The following EEIG1 variants were observed in gnomAD, a reference collection of about 807,000 sequenced individuals.
EEIG1 encodes the protein estrogen-induced osteoclastogenesis regulator 1, also known as early estrogen-induced gene 1 protein.
chr9:127,950,826 C>T, the EEIG1 span: 6 of 582,722 alleles, frequency 1.0e-5, no homozygotes, highest in Non-Finnish European at 1.5e-5. Context: ...CATGAAAGGA[C>T]ATTGTTGTCC....
chr9:127,963,319 G>T, the EEIG1 span, among the ~76,000 whole-genome samples: 1,284 of 152,360 alleles, frequency 8.4e-3, 24 homozygotes, highest in African/African-American at 0.029. Context: ...CAGTACATGG[G>T]ACCTGCTGGC....
chr9:127,944,990 C>T, the EEIG1 span: 16 of 1,463,720 alleles, frequency 1.1e-5, no homozygotes, highest in East Asian at 1.1e-4. Context: ...TCAGCCGCAG[C>T]GGCGCTCAGA....
the EEIG1 span, chr9:127,943,497 A>T: frequency 1.9e-6 from 1 of 526,780 alleles, no homozygotes; most frequent in Non-Finnish European, 3.4e-6. Flanking sequence ...TCACCTCGGC[A>T]GGGAGTCACT....
chr9:127,958,806 T>C, the EEIG1 span, among the ~76,000 whole-genome samples: 2 of 152,038 alleles, frequency 1.3e-5, no homozygotes, highest in Non-Finnish European at 2.9e-5. Flanking sequence ...ATCCAGAATA[T>C]ATAAAGAGCA....
At chr9:127,946,027 C>G in the EEIG1 span, among the ~76,000 whole-genome samples, 2 of 152,242 alleles carry the variant, frequency 1.3e-5, no homozygotes, top group Non-Finnish European at 2.9e-5. Flanking sequence ...CCACTACCCA[C>G]AACCGCAGTG....
At chr9:127,945,130 C>G in the EEIG1 span, among the ~76,000 whole-genome samples, 1 of 152,122 alleles carries the variant, frequency 6.6e-6, no homozygotes, top group African/African-American at 2.4e-5. The surrounding 1 kb of genome is among the most constrained non-coding windows in gnomAD (Gnocchi z 6.5). Context: ...TTCCTAAGGC[C>G]ACCTAGCAGA....
the EEIG1 span, among the ~76,000 whole-genome samples, chr9:127,955,496 G>A: frequency 2.0e-5 from 3 of 152,248 alleles, no homozygotes; most frequent in African/African-American, 7.2e-5. Flanking sequence ...GGGGCCTGTA[G>A]TACCCTGCTC....
chr9:127,977,453 C>T, the EEIG1 span, among the ~76,000 whole-genome samples: 1 of 152,238 alleles, frequency 6.6e-6, no homozygotes, highest in African/African-American at 2.4e-5. Context: ...GGCAAGTCCT[C>T]AGCCTGGGGC....
chr9:127,962,905 C>T, the EEIG1 span, among the ~76,000 whole-genome samples: 1 of 152,136 alleles, frequency 6.6e-6, no homozygotes, highest in Admixed American at 6.5e-5. Context: ...ACCCTCCTTA[C>T]TGCCCACCAC....
chr9:127,966,388 G>A, the EEIG1 span, among the ~76,000 whole-genome samples: 1 of 151,428 alleles, frequency 6.6e-6, no homozygotes, highest in Admixed American at 6.6e-5. Flanking sequence ...CTGGAGGACT[G>A]CTTGAGCCCG....
At chr9:127,953,305 G>T in the EEIG1 span, 1 of 513,410 alleles carries the variant, frequency 1.9e-6, no homozygotes, top group East Asian at 3.2e-5. Flanking sequence ...CAATAATGGG[G>T]TCCCAGAAAG....
chr9:127,943,354 G>A, the EEIG1 span: 1 of 977,462 alleles, frequency 1.0e-6, no homozygotes, highest in Admixed American at 1.8e-5. Flanking sequence ...GCCCTGTGTT[G>A]CAAAGGGGCT....
At chr9:127,950,528 A>G in the EEIG1 span, 14 of 1,613,816 alleles carry the variant, frequency 8.7e-6, no homozygotes, top group Non-Finnish European at 1.2e-5. Flanking sequence ...GGTTCAAGTC[A>G]GCGAAGCCCA....
At chr9:127,945,783 G>A in the EEIG1 span, 2 of 1,430,636 alleles carry the variant, frequency 1.4e-6, no homozygotes, top group Non-Finnish European at 1.9e-6. The surrounding 1 kb of genome is among the most constrained non-coding windows in gnomAD (Gnocchi z 6.5). Flanking sequence ...AGGGGGTGAG[G>A]TGACAGGGGT....
At chr9:127,972,990 C>T in the EEIG1 span, among the ~76,000 whole-genome samples, 1 of 152,114 alleles carries the variant, frequency 6.6e-6, no homozygotes, top group Non-Finnish European at 1.5e-5. The surrounding 1 kb of genome is among the most constrained non-coding windows in gnomAD (Gnocchi z 4.3). Flanking sequence ...ATCCAAAGCA[C>T]TTGCCAGGGA....
the EEIG1 span, chr9:127,945,390 C>A: frequency 3.8e-6 from 6 of 1,587,348 alleles, no homozygotes; most frequent in East Asian, 1.4e-4. The surrounding 1 kb of genome is among the most constrained non-coding windows in gnomAD (Gnocchi z 6.5). Flanking sequence ...CGGACAGATG[C>A]AGGGGCCGGG....
the EEIG1 span, among the ~76,000 whole-genome samples, chr9:127,960,278 G>A: frequency 1.3e-5 from 2 of 152,200 alleles, no homozygotes; most frequent in Admixed American, 1.3e-4. Context: ...CACTTGGCAG[G>A]TAGAAAACTA....
At chr9:127,980,319 C>A in the EEIG1 span, 2 of 571,938 alleles carry the variant, frequency 3.5e-6, no homozygotes, top group Non-Finnish European at 3.0e-6. Context: ...GTCCAGTTCG[C>A]GGGCCGGCGG....
the EEIG1 span, among the ~76,000 whole-genome samples, chr9:127,971,941 G>A: frequency 6.6e-6 from 1 of 152,196 alleles, no homozygotes; most frequent in East Asian, 1.9e-4. Context: ...GCGAGGAGCA[G>A]TGGAAGCCGA....
Sources: allele counts gnomAD v4.1 joint callset (sites outside exome capture counted in the v4.1 genomes callset), GRCh38; gene constraint gnomAD v4.1.1; non-coding constraint Gnocchi (gnomAD v3.1); transcripts MANE v1.5; gene names NCBI Gene and HGNC (gene_info 2026-07-23, HGNC 2026-07-21).